ACOT12: variants seen among roughly 807,000 people sequenced by gnomAD.
The protein encoded by ACOT12 is acyl-CoA thioesterase 12.
ACOT12 carries 51 observed loss-of-function variants against 67.7 expected under a neutral mutation model. The observed-to-expected ratio is 0.75, with a 90% CI of 0.60 to 0.95. The LOEUF is 0.95. Ranked by LOEUF, ACOT12 falls within the 40% of genes least tolerant of loss-of-function variation. The probability of loss-of-function intolerance (pLI) is 0.00; values close to 1 mark genes in which losing one functional copy is unlikely to be tolerated. For synonymous variants in ACOT12, 251 were observed against 244.6 expected (o/e 1.03, Z -0.24); for missense variants, 734 against 708.1 (o/e 1.04, Z -0.41).
chr5:81,348,889 C>T (rs75961270), intron 5 of ACOT12, among the ~76,000 whole-genome samples: 3,003 of 152,308 alleles, frequency 0.02, 95 homozygotes, highest in African/African-American at 0.069. Context: ...ATCATATCTG[C>T]TCCGTTTACT....
At chr5:81,381,211 C>T (rs373679764) in intron 2 of ACOT12, among the ~76,000 whole-genome samples, 2 of 152,012 alleles carry the variant, frequency 1.3e-5, no homozygotes, top group East Asian at 1.9e-4. Flanking sequence ...GGATTACAGG[C>T]GCGTGCCACC....
downstream of ACOT12, among the ~76,000 whole-genome samples, chr5:81,326,741 G>A (rs1758683187): frequency 6.6e-6 from 1 of 152,156 alleles, no homozygotes; most frequent in African/African-American, 2.4e-5. Flanking sequence ...CAGTTACACT[G>A]AATCATGCTG....
chr5:81,352,894 A>C (rs1759596739), intron 5 of ACOT12, among the ~76,000 whole-genome samples: 1 of 152,216 alleles, frequency 6.6e-6, no homozygotes, highest in Non-Finnish European at 1.5e-5. Flanking sequence ...AGTGTGTGTG[A>C]TAGTGACGGT....
chr5:81,383,569 A>C (rs1760647735), intron 2 of ACOT12, among the ~76,000 whole-genome samples: 1 of 152,348 alleles, frequency 6.6e-6, no homozygotes, highest in East Asian at 1.9e-4. Context: ...AAAGACACTT[A>C]AGAGACCTAT....
chr5:81,338,637 A>G (rs1340507803), intron 11 of ACOT12, among the ~76,000 whole-genome samples: 1 of 151,904 alleles, frequency 6.6e-6, no homozygotes, highest in Non-Finnish European at 1.5e-5. Context: ...TAATACGCCA[A>G]CTCAAACGTT....
At chr5:81,363,422 A>G (rs190113078) in intron 4 of ACOT12, among the ~76,000 whole-genome samples, 1 of 152,210 alleles carries the variant, frequency 6.6e-6, no homozygotes, top group Non-Finnish European at 1.5e-5. Context: ...TTGCTTTTTT[A>G]AAAAAAGATT....
chr5:81,391,245 T>C (rs1760856752), intron 1 of ACOT12, among the ~76,000 whole-genome samples: 1 of 152,244 alleles, frequency 6.6e-6, no homozygotes, highest in South Asian at 2.1e-4. Flanking sequence ...GAACTTTCCC[T>C]TTTGTATTTC....
the ACOT12 span, among the ~76,000 whole-genome samples, chr5:81,322,386 G>A: frequency 6.6e-6 from 1 of 151,896 alleles, no homozygotes; most frequent in African/African-American, 2.4e-5. Flanking sequence ...TATTCCGGAA[G>A]GCGGAAGTTG....
the ACOT12 span, among the ~76,000 whole-genome samples, chr5:81,321,012 C>G: frequency 6.7e-6 from 1 of 150,140 alleles, no homozygotes; most frequent in African/African-American, 2.4e-5. Context: ...TCCTAGCACT[C>G]TGGGAGGCCC....
At chr5:81,393,260 C>A (rs867195631) in intron 1 of ACOT12, among the ~76,000 whole-genome samples, 1 of 152,124 alleles carries the variant, frequency 6.6e-6, no homozygotes, top group African/African-American at 2.4e-5. Flanking sequence ...CCACTCCTCT[C>A]GCTACACTTT....
intron 4 of ACOT12, among the ~76,000 whole-genome samples, chr5:81,360,681 C>T (rs1452135099): frequency 1.3e-5 from 2 of 152,140 alleles, no homozygotes; most frequent in South Asian, 4.1e-4. Flanking sequence ...GGAAGGGTCA[C>T]CTTGAAGCTG....
the ACOT12 span, chr5:81,308,743 C>T: frequency 1.8e-5 from 28 of 1,588,800 alleles, no homozygotes; most frequent in East Asian, 4.5e-5. Context: ...TTGTTTTGTT[C>T]ATGGGGAAAG....
intron 3 of ACOT12, among the ~76,000 whole-genome samples, chr5:81,370,479 G>C (rs998449670): frequency 6.6e-6 from 1 of 152,202 alleles, no homozygotes; most frequent in South Asian, 2.1e-4. Flanking sequence ...GCCAGACTGC[G>C]GTGGGGCAGG....
At chr5:81,381,541 G>A (rs1760585258) in intron 2 of ACOT12, among the ~76,000 whole-genome samples, 1 of 152,076 alleles carries the variant, frequency 6.6e-6, no homozygotes, top group Admixed American at 6.6e-5. Flanking sequence ...AAGAAGTGAG[G>A]TGGAGAAGAG....
At chr5:81,330,767 G>T in intron 14 of ACOT12, 47 bp downstream of exon 14, 1 of 1,589,810 alleles carries the variant, frequency 6.3e-7, no homozygotes, top group Non-Finnish European at 8.5e-7. Context: ...GAGATTTTTC[G>T]CTATCTGGCA....
chr5:81,339,053 C>T (rs1759103781), intron 11 of ACOT12, among the ~76,000 whole-genome samples: 1 of 152,298 alleles, frequency 6.6e-6, no homozygotes, highest in Admixed American at 6.5e-5. Flanking sequence ...GCACTCCAAC[C>T]TGGGCAAAGA....
chr5:81,324,163 A>G, the ACOT12 span, among the ~76,000 whole-genome samples: 6 of 151,876 alleles, frequency 4.0e-5, no homozygotes, highest in Non-Finnish European at 8.8e-5. Context: ...ATGGTCTCGA[A>G]CTCTTGACCT....
chr5:81,343,236 CG>C (rs942669787), intron 10 of ACOT12, among the ~76,000 whole-genome samples: 56 of 150,152 alleles, frequency 3.7e-4, no homozygotes, highest in African/African-American at 1.3e-3. Flanking sequence ...AAAGCAAAAA[CG>C]AAAAAAAAAC....
At chr5:81,321,331 C>T in the ACOT12 span, among the ~76,000 whole-genome samples, 1 of 152,160 alleles carries the variant, frequency 6.6e-6, no homozygotes, top group Admixed American at 6.5e-5. Context: ...AAAGGACAAA[C>T]AAACTCCTTC....
Sources: gnomAD v4.1 joint callset for allele counts (sites outside exome capture counted in the v4.1 genomes callset) on GRCh38, gnomAD v4.1.1 for gene constraint, MANE v1.5 for transcripts, NCBI Gene and HGNC (gene_info 2026-07-23, HGNC 2026-07-21) for gene names.